The following L1CAM variants were observed in gnomAD, a reference collection of about 807,000 sequenced individuals.
L1CAM encodes L1 cell adhesion molecule, also known as neural cell adhesion molecule L1.
A neutral mutation model predicts 93.0 loss-of-function variants in L1CAM; 8 were observed. That is an observed-to-expected ratio of 0.09 (90% CI 0.05 to 0.16). The LOEUF (loss-of-function observed/expected upper bound fraction) is 0.16. Ranked by LOEUF, L1CAM falls within the 10% of genes least tolerant of loss-of-function variation. The pLI is 1.00. For missense variants in L1CAM, 777 were observed against 1,073.4 expected (o/e 0.72, Z 3.86); for synonymous variants, 453 against 453.0 (o/e 1.00, Z 0.00).
intron 1 of L1CAM, 65 bp from the exon 2 acceptor site, chrX:153,876,009 G>A: frequency 4.1e-6 from 2 of 493,403 alleles, no homozygotes; most frequent in Non-Finnish European, 7.2e-6. Context: ...AAGGACGTTA[G>A]TGACTAACAT....
chrX:153,868,631 G>T lies in L1CAM; in HGVS notation c.1476C>A (p.Thr492=), dbSNP rs150805225. The change falls in exon 13 of 29, where the codon ACC becomes ACA. Residue 492 remains threonine (T), a synonymous_variant. Transcript: ENST00000370060. Reference sequence around the variant, plus strand: ...TGGCAGCCAGGCAGAAGTAGCGTCCGGTGTCATTGGCCTGGAGGTCTCGAA... The same window carrying T: ...TGGCAGCCAGGCAGAAGTAGCGTCCTGTGTCATTGGCCTGGAGGTCTCGAA... ...LGIRDLQAND[T]GRYFCLAAND... 2 of 1,211,891 alleles carry T rather than the reference G, an allele frequency of 1.7e-6. No homozygotes were observed. Among genetic ancestry groups the T allele is most frequent in the Admixed American group, 4.3e-5 (2 of 46,108 alleles).
intron 26 of L1CAM, 80 bp downstream of exon 26, chrX:153,863,803 G>C (rs904807045): frequency 2.6e-6 from 3 of 1,156,588 alleles, no homozygotes; most frequent in Admixed American, 4.4e-5. Context: ...AATCCAGGAG[G>C]CCTTGCAGAA....
At position 153,868,075 on chromosome X, in the gene L1CAM, C is replaced by T. The variant is rs1206062430; in HGVS notation, c.1751G>A (p.Ser584Asn). 9.1e-6 allele frequency: 11 copies of T among 1,208,512 alleles called. No individual in the cohort carries two copies. Among genetic ancestry groups the T allele is most frequent in the Non-Finnish European group, 1.2e-5 (11 of 894,557 alleles). Residue 584 changes from serine to asparagine, a missense_variant, in exon 15 of 29, where the codon AGC becomes AAC. Physicochemically the swap from Ser to Asn is conservative, Grantham distance 46. This residue lies in a region of L1CAM where 574 missense variants were observed against 781.0 expected (regional missense o/e 0.73). Coordinates refer to ENST00000370060, the MANE Select transcript of L1CAM (RefSeq NM_001278116.2). ...GRLVIHSLDY[S>N]DQGNYSCVAS... The stretch of plus-strand genomic sequence containing the variant: ...CACGCAGCTGTAGTTGCCCTGGTCG[C>T]TGTAGTCCAGGCTGTGGATGACCAG...
At chrX:153,872,478 TGGG>T in intron 4 of L1CAM, 111 bp downstream of exon 4, 1 of 933,452 alleles carries the variant, frequency 1.1e-6, no homozygotes, top group Admixed American at 2.3e-5. Context: ...GGCGAGGACT[TGGG>T]GTGATTAGCA....
chrX:153,873,655 C>T (rs1353230856), intron 2 of L1CAM, among the ~76,000 whole-genome samples: 1 of 112,751 alleles, frequency 8.9e-6, no homozygotes, highest in African/African-American at 3.2e-5. Context: ...AAGGCACCGT[C>T]CCCTGCTCCA....
At chrX:153,874,214 C>G (rs2064796486) in intron 2 of L1CAM, among the ~76,000 whole-genome samples, 1 of 112,824 alleles carries the variant, frequency 8.9e-6, no homozygotes, top group African/African-American at 3.2e-5. Context: ...CCCACTGTGT[C>G]GTATCAGGGT....
intron 11 of L1CAM, 51 bp from the exon 12 acceptor site, chrX:153,869,003 G>A (rs374480965): frequency 2.0e-6 from 2 of 1,025,374 alleles, no homozygotes; most frequent in African/African-American, 3.7e-5. Flanking sequence ...GACCACAGCT[G>A]GGCCAGGAGC....
Position 153,865,396 on chromosome X carries a change from G to A in L1CAM, c.2652C>T (p.Gly884=). The change falls in exon 21 of 29, where the codon GGC becomes GGT. Residue 884 remains glycine (G), a synonymous_variant. Transcript: ENST00000370060. ...GGTGGTAGGAGCTATAGGGCCGCAAGCCACTGAGGATGACACTGGTGGTGT... is the reference window on the plus strand; with the variant it reads ...GGTGGTAGGAGCTATAGGGCCGCAAACCACTGAGGATGACACTGGTGGTGT... The part of the protein sequence containing the change: ...PANTTSVILS[G]LRPYSSYHLE... 8.3e-7 allele frequency: 1 copy of A among 1,211,380 alleles called. No individual in the cohort carries two copies. Among genetic ancestry groups the A allele is most frequent in the Non-Finnish European group, 1.1e-6 (1 of 895,196 alleles).
chrX:153,882,704 T>C (rs1180316739), intron 1 of L1CAM, among the ~76,000 whole-genome samples: 2 of 110,682 alleles, frequency 1.8e-5, no homozygotes, highest in Non-Finnish European at 3.8e-5. Flanking sequence ...GCCAAGTGCA[T>C]GGAGCCCAGG....
chrX:153,863,584 C>T (rs528476791), intron 26 of L1CAM, 35 bp from the exon 27 acceptor site: 2 of 1,152,438 alleles, frequency 1.7e-6, no homozygotes. Context: ...TCTTCTCCCG[C>T]CCCAGCCTGA....
Position 153,865,806 on chromosome X carries a change from G to A in L1CAM, c.2445C>T (p.Ile815=), listed in dbSNP as rs781886366. 1.7e-6 allele frequency: 2 copies of A among 1,200,489 alleles called. No homozygotes were observed. The highest frequency in any genetic ancestry group is 3.5e-5 in the African/African-American group (2 of 57,135). The part of the protein sequence containing the change: ...GYSGEDYPQA[I]PELEGIEILN... ...GGATTTCAATGCCTTCCAGCTCAGG[G>A]ATTGCCTGGGGGTCTGGAAACCACC... The change falls in exon 20 of 29, where the codon ATC becomes ATT. Residue 815 remains isoleucine, a synonymous_variant. Coordinates refer to ENST00000370060, the MANE Select transcript of L1CAM (RefSeq NM_001278116.2).
chrX:153,861,983 G>A lies in L1CAM; in HGVS notation c.*680C>T, dbSNP rs1196952198. ...TGTGCCCGCCCCGCAGCCAGGTAGTGACGGAGGCCACTTGGATGTTGTGTG... is the reference window on the plus strand; with the variant it reads ...TGTGCCCGCCCCGCAGCCAGGTAGTAACGGAGGCCACTTGGATGTTGTGTG... On this transcript the variant is annotated 3_prime_UTR_variant, in exon 29 of 29. Coordinates refer to ENST00000370060, the MANE Select transcript of L1CAM (RefSeq NM_001278116.2). 9.0e-6 allele frequency: 1 copy of A among 111,273 alleles called. No homozygotes were observed. The highest frequency in any genetic ancestry group is 1.9e-5 in the Non-Finnish European group (1 of 52,961). 9.2% of individuals were successfully genotyped at this position (111,273 alleles called of 1,213,427 possible). A position where few individuals can be genotyped will look rare whatever the true frequency, so the allele number is the denominator to read the frequency against.
rs1286255388 is a variant in L1CAM at position 153,876,307 on chromosome X, T to A, written c.-108-363A>T. On this transcript the variant is annotated intron_variant, in intron 1 of 28. Transcript: ENST00000370060. ...ATGTGCAGGTGTCCGTGGGCATGTGTGTGGTTGTGGATCTGCAAGCAGGGA... is the reference window on the plus strand; with the variant it reads ...ATGTGCAGGTGTCCGTGGGCATGTGAGTGGTTGTGGATCTGCAAGCAGGGA... 3.0e-5 allele frequency: 8 copies of A among 263,234 alleles called. No individual in the cohort carries two copies. In the East Asian group the frequency reaches 4.9e-4, roughly 16 times the overall value. The allele number at this position is 263,234 out of a possible 1,213,427, so 21.7% of individuals were successfully genotyped here. A position where few individuals can be genotyped will look rare whatever the true frequency, so the allele number is the denominator to read the frequency against.
chrX:153,880,382 C>A (rs1046734101), intron 1 of L1CAM: 8 of 199,625 alleles, frequency 4.0e-5, no homozygotes, highest in Non-Finnish European at 6.5e-5. Context: ...GGAGAAGCAA[C>A]AAGAGAGCCC....
rs1557091785 is a variant in L1CAM, at chrX:153,868,344, C to T, written c.1661G>A (p.Arg554His). Residue 554 changes from arginine to histidine, a missense_variant, in exon 14 of 29, where the codon CGT (arginine) becomes CAT (histidine). This residue lies in a region of L1CAM where 574 missense variants were observed against 781.0 expected (regional missense o/e 0.73). Transcript: ENST00000370060. ...CTCCTGGAGGTCTCGACCGTCCCCA[C>T]GCCAGGTGATGCTGGGCTGCAAGGA... ...DPSLQPSITW[R>H]GDGRDLQELG... 2 of 1,211,685 alleles carry T rather than the reference C, an allele frequency of 1.7e-6. No homozygotes were observed. Among genetic ancestry groups the T allele is most frequent in the South Asian group, 1.8e-5 (1 of 56,975 alleles).
chrX:153,866,017 A>G, intron 19 of L1CAM, 198 bp from the exon 20 acceptor site: 1 of 428,017 alleles, frequency 2.3e-6, no homozygotes, highest in South Asian at 3.4e-5. Context: ...AGTAGCTTAT[A>G]CAAAGGAGAA....
intron 1 of L1CAM, chrX:153,880,329 C>A: frequency 5.3e-6 from 1 of 187,459 alleles, no homozygotes; most frequent in South Asian, 7.3e-5. Context: ...GCCCTGCACA[C>A]CTGCCTGTCA....
At chrX:153,885,131 T>G in intron 1 of L1CAM, among the ~76,000 whole-genome samples, 1 of 112,936 alleles carries the variant, frequency 8.9e-6, no homozygotes, top group Non-Finnish European at 1.9e-5. Flanking sequence ...CCCAAAAGTC[T>G]GACCTGGAAT....
chrX:153,869,005 G>A (rs1179150412), intron 11 of L1CAM, 53 bp from the exon 12 acceptor site: 2 of 974,860 alleles, frequency 2.1e-6, no homozygotes, highest in African/African-American at 3.8e-5. Flanking sequence ...CCACAGCTGG[G>A]CCAGGAGCCA....
Sources: gnomAD v4.1 joint callset for allele counts (sites outside exome capture counted in the v4.1 genomes callset) on GRCh38, gnomAD v4.1.1 for gene constraint, gnomAD v4.1.1 regional missense constraint, MANE v1.5 for transcripts, NCBI Gene and HGNC (gene_info 2026-07-23, HGNC 2026-07-21) for gene names.